SEZ6L: variants seen among roughly 807,000 people sequenced by gnomAD.
SEZ6L encodes the protein seizure related 6 homolog like.
Under a neutral mutation model 106.2 loss-of-function variants are expected in SEZ6L, and 37 were observed. That is an observed-to-expected ratio of 0.35 (90% CI 0.27 to 0.46). The LOEUF (loss-of-function observed/expected upper bound fraction) is 0.46, where lower values mean the gene tolerates loss of function less well. Ranked by LOEUF, SEZ6L falls within the 20% of genes least tolerant of loss-of-function variation. The pLI, the probability that SEZ6L is intolerant of heterozygous loss-of-function variation, is 1.00. For missense variants in SEZ6L, 1,172 were observed against 1,332.8 expected, an observed-to-expected ratio of 0.88 and a Z score of 1.88; for synonymous variants, 541 against 570.4, an observed-to-expected ratio of 0.95 and a Z score of 0.73.
chr22:26,304,574 A>G (rs911188764), intron 5 of SEZ6L, among the ~76,000 whole-genome samples: 3 of 152,180 alleles, frequency 2.0e-5, no homozygotes, highest in Non-Finnish European at 4.4e-5. Flanking sequence ...TTTCCAGTGC[A>G]CAAATCACTT....
At chr22:26,351,633 G>A (rs929324966) in intron 12 of SEZ6L, among the ~76,000 whole-genome samples, 10 of 152,178 alleles carry the variant, frequency 6.6e-5, no homozygotes, top group East Asian at 1.9e-4. Flanking sequence ...TGCAATCTCC[G>A]CCTCCTGGGT....
At chr22:26,197,438 G>A (rs1191942627) in intron 1 of SEZ6L, among the ~76,000 whole-genome samples, 1 of 152,204 alleles carries the variant, frequency 6.6e-6, no homozygotes, top group Non-Finnish European at 1.5e-5. Flanking sequence ...TGGTCTTACT[G>A]GGTGAGTAAG....
intron 1 of SEZ6L, among the ~76,000 whole-genome samples, chr22:26,273,298 G>A (rs2080430470): frequency 6.6e-6 from 1 of 152,266 alleles, no homozygotes; most frequent in Non-Finnish European, 1.5e-5. Context: ...AGGGGGCCAG[G>A]TGGGTGCCAG....
chr22:26,269,415 T>C (rs2080291026), intron 1 of SEZ6L, among the ~76,000 whole-genome samples: 1 of 152,170 alleles, frequency 6.6e-6, no homozygotes, highest in Admixed American at 6.5e-5. Context: ...CTTAAATGGA[T>C]GCATAAACCT....
At chr22:26,311,632 G>A (rs1569457744) in intron 7 of SEZ6L, 136 bp from the exon 8 acceptor site, 2 of 787,134 alleles carry the variant, frequency 2.5e-6, no homozygotes, top group Non-Finnish European at 4.2e-6. Flanking sequence ...ACGTCAGCTG[G>A]AACCAGGACA....
chr22:26,254,492 C>T (rs2079737255), intron 1 of SEZ6L, among the ~76,000 whole-genome samples: 1 of 152,110 alleles, frequency 6.6e-6, no homozygotes, highest in African/African-American at 2.4e-5. Flanking sequence ...GTGGCTCATG[C>T]CTGCAATCCC....
intron 11 of SEZ6L, 52 bp downstream of exon 11, chr22:26,347,965 C>G: frequency 6.9e-7 from 1 of 1,443,810 alleles, no homozygotes; most frequent in Non-Finnish European, 9.2e-7. Context: ...CAAATCCCTT[C>G]TAGGGATCTT....
intron 9 of SEZ6L, among the ~76,000 whole-genome samples, chr22:26,321,446 G>A (rs368343550): frequency 6.6e-6 from 1 of 152,224 alleles, no homozygotes; most frequent in East Asian, 1.9e-4. Flanking sequence ...CAGGAAAAGG[G>A]TTTAAGCACT....
At chr22:26,266,132 T>C (rs1398124407) in intron 1 of SEZ6L, among the ~76,000 whole-genome samples, 1 of 152,158 alleles carries the variant, frequency 6.6e-6, no homozygotes, top group Admixed American at 6.5e-5. Context: ...GAATTTATGG[T>C]GAGTCAGAGC....
chr22:26,272,826 C>T (rs964674828), intron 1 of SEZ6L, among the ~76,000 whole-genome samples: 4 of 152,150 alleles, frequency 2.6e-5, no homozygotes, highest in African/African-American at 7.2e-5. Context: ...GTTAATGGGG[C>T]TCATATCAGA....
At chr22:26,250,822 C>T (rs2092816) in intron 1 of SEZ6L, among the ~76,000 whole-genome samples, 34,181 of 151,930 alleles carry the variant, frequency 0.22, 4,177 homozygotes, top group African/African-American at 0.31. Flanking sequence ...TTTGTGTCCT[C>T]TTCAATTTCT....
intron 1 of SEZ6L, among the ~76,000 whole-genome samples, chr22:26,201,919 T>G (rs1247132140): frequency 6.6e-6 from 1 of 152,110 alleles, no homozygotes; most frequent in East Asian, 1.9e-4. Flanking sequence ...GTTGTTTGTT[T>G]GTTTGTTTGC....
intron 11 of SEZ6L, among the ~76,000 whole-genome samples, chr22:26,350,792 G>C (rs2083250731): frequency 6.6e-6 from 1 of 151,894 alleles, no homozygotes; most frequent in Non-Finnish European, 1.5e-5. Flanking sequence ...GAGTAGCTGG[G>C]AGTACAGGCG....
rs886805793 is a variant in SEZ6L, at chr22:26,340,637, G to A, written c.2212+5G>A. On this transcript the variant is annotated splice_donor_5th_base_variant and intron_variant, in intron 10 of 16. Transcript: ENST00000248933. Reference sequence around the variant, plus strand: ...GATTTATCATGAACTACATAGGTAGGTGTCTCATCTGGTCAATTTATTTTT... The same window carrying A: ...GATTTATCATGAACTACATAGGTAGATGTCTCATCTGGTCAATTTATTTTT... The A allele has an allele frequency of 6.2e-7, 1 of 1,603,732 alleles. No individual in the cohort carries two copies. The highest frequency in any genetic ancestry group is 1.3e-5 in the African/African-American group (1 of 74,446).
At chr22:26,287,627 T>C (rs1005551061) in intron 1 of SEZ6L, among the ~76,000 whole-genome samples, 1 of 152,160 alleles carries the variant, frequency 6.6e-6, no homozygotes, top group South Asian at 2.1e-4. Flanking sequence ...CTGGACATCA[T>C]CATGGGGATA....
intron 1 of SEZ6L, among the ~76,000 whole-genome samples, chr22:26,207,568 T>G (rs940414181): frequency 3.3e-5 from 5 of 152,230 alleles, no homozygotes; most frequent in African/African-American, 9.6e-5. Flanking sequence ...TCTTAGTATT[T>G]TTTTCTATTT....
intron 1 of SEZ6L, among the ~76,000 whole-genome samples, chr22:26,286,116 A>T (rs1284396248): frequency 6.6e-6 from 1 of 152,246 alleles, no homozygotes; most frequent in South Asian, 2.1e-4. Flanking sequence ...ACAGTTTTGC[A>T]GTACCTTTTA....
chr22:26,368,940 G>A (rs1405219691), intron 13 of SEZ6L, among the ~76,000 whole-genome samples: 2 of 152,004 alleles, frequency 1.3e-5, no homozygotes, highest in East Asian at 1.9e-4. Flanking sequence ...TAAATTTCCC[G>A]CCTTCAGGGC....
intron 1 of SEZ6L, among the ~76,000 whole-genome samples, chr22:26,233,889 A>C (rs1388503494): frequency 1.3e-5 from 2 of 152,198 alleles, no homozygotes; most frequent in South Asian, 4.1e-4. Context: ...GGAGCCAGCC[A>C]GGTGAAGACC....
Sources: allele counts gnomAD v4.1 joint callset (sites outside exome capture counted in the v4.1 genomes callset), GRCh38; gene constraint gnomAD v4.1.1; transcripts MANE v1.5; gene names NCBI Gene and HGNC (gene_info 2026-07-23, HGNC 2026-07-21).